The following HSF2 variants were observed in gnomAD, a reference collection of about 807,000 sequenced individuals.
HSF2 encodes heat shock transcription factor 2.
In HSF2, 21 loss-of-function variants were observed where a neutral mutation model predicts 65.0. That is an observed-to-expected ratio of 0.32 (90% CI 0.23 to 0.47). The LOEUF (loss-of-function observed/expected upper bound fraction) is 0.47. HSF2 is among the 20% of genes least tolerant of loss of function. The pLI is 1.00. For synonymous variants in HSF2, 225 were observed against 219.1 expected, an observed-to-expected ratio of 1.03 and a Z score of -0.24; for missense variants, 499 against 628.1, an observed-to-expected ratio of 0.79 and a Z score of 2.20.
At position 122,401,691 on chromosome 6, in the gene HSF2, A is replaced by G. The variant is rs556821427; in HGVS notation, c.93+1861A>G. 1.2e-4 allele frequency among the ~76,000 whole-genome samples: 19 copies of G among 152,316 alleles called. No homozygotes were observed. The South Asian group carries it at 3.9e-3, about 32-fold the overall frequency. On this transcript the variant is annotated intron_variant, in intron 1 of 12. Transcript: ENST00000368455. ...TTCTAATATGCCAGTGGGACAATCA[A>G]AATGTAAGCTCAGTGAGATCACTGT...
chr6:122,419,016 T>G (rs1190693736), intron 5 of HSF2, 152 bp from the exon 6 acceptor site: 3 of 543,708 alleles, frequency 5.5e-6, no homozygotes, highest in Non-Finnish European at 6.6e-6. Flanking sequence ...AGACGGTGGT[T>G]CTACGGTGCG....
Position 122,412,670 on chromosome 6 carries a change from G to A in HSF2, c.236G>A (p.Gly79Glu). The change falls in exon 3 of 13, where the codon GGA (glycine) becomes GAA (glutamate). Residue 79 changes from glycine to glutamate, a missense_variant. Physicochemically the swap from Gly to Glu is moderately conservative, Grantham distance 98. Around this residue, in one of 2 missense-constraint regions of HSF2, gnomAD observed 150 missense variants for 234.6 expected, o/e 0.64. Coordinates refer to ENST00000368455, the MANE Select transcript of HSF2 (RefSeq NM_004506.4). The part of the protein sequence containing the change: ...GFRKVVHIDS[G>E]IVKQERDGPV... ...CGTAAAGTAGTACATATCGACTCTG[G>A]AATTGTAAAGCAAGAAAGAGATGGT... 1 of 1,612,360 alleles carries A rather than the reference G, an allele frequency of 6.2e-7. No individual in the cohort carries two copies. The highest frequency in any genetic ancestry group is 8.5e-7 in the Non-Finnish European group (1 of 1,178,656).
Position 122,432,060 on chromosome 6 carries a change from A to T in HSF2, c.1451A>T (p.Asp484Val), listed in dbSNP as rs758448374. Residue 484 changes from aspartate to valine, a missense_variant, in exon 13 of 13, where the codon GAT (aspartate) becomes GTT (valine). Around this residue, in one of 2 missense-constraint regions of HSF2, gnomAD observed 349 missense variants for 393.5 expected, o/e 0.89. Coordinates refer to ENST00000368455, the MANE Select transcript of HSF2 (RefSeq NM_004506.4). ...TCTGTAGATAAACCCATAGAAGTTGATGAGCTTCTGGATAGCAGCCTAGAC... is the reference window on the plus strand; with the variant it reads ...TCTGTAGATAAACCCATAGAAGTTGTTGAGCTTCTGGATAGCAGCCTAGAC... ...LSSVDKPIEV[D>V]ELLDSSLDPE... is the part of the protein sequence containing the mutation. The T allele has an allele frequency of 3.1e-6, 5 of 1,614,144 alleles. No homozygotes were observed. The highest frequency in any genetic ancestry group is 4.2e-6 in the Non-Finnish European group (5 of 1,179,988).
intron 1 of HSF2, among the ~76,000 whole-genome samples, chr6:122,400,150 G>A (rs1369800414): frequency 2.0e-5 from 3 of 152,154 alleles, no homozygotes; most frequent in Non-Finnish European, 2.9e-5. Context: ...TCGGCGAGCC[G>A]AGGGCGCGGG....
intron 4 of HSF2, among the ~76,000 whole-genome samples, chr6:122,414,988 A>G (rs1002074290): frequency 1.3e-5 from 2 of 152,226 alleles, no homozygotes; most frequent in African/African-American, 2.4e-5. Flanking sequence ...GTAGTTATTC[A>G]GTAAATATTA....
intron 1 of HSF2, among the ~76,000 whole-genome samples, chr6:122,406,743 ATTAAC>A (rs1773876196): frequency 1.3e-5 from 2 of 152,064 alleles, no homozygotes; most frequent in Admixed American, 1.3e-4. Context: ...TTTTTGGCAT[ATTAAC>A]TTTGAGATTA....
intron 10 of HSF2, among the ~76,000 whole-genome samples, chr6:122,427,486 G>A (rs564394654): frequency 7.2e-5 from 11 of 152,100 alleles, no homozygotes; most frequent in African/African-American, 2.6e-4. Flanking sequence ...AGCAGATTCT[G>A]TAAATTTTTT....
At chr6:122,417,590 A>G (rs1003529086) in intron 5 of HSF2, among the ~76,000 whole-genome samples, 1 of 152,166 alleles carries the variant, frequency 6.6e-6, no homozygotes, top group East Asian at 1.9e-4. Flanking sequence ...CCATGGATTA[A>G]TTGAGAATAA....
At chr6:122,409,135 AT>A (rs1391017397) in intron 1 of HSF2, among the ~76,000 whole-genome samples, 1 of 152,070 alleles carries the variant, frequency 6.6e-6, no homozygotes, top group African/African-American at 2.4e-5. Flanking sequence ...TGGTGCCACG[AT>A]TAAGGATAAA....
chr6:122,432,584 G>A lies in HSF2; in HGVS notation c.*364G>A. 5.5e-6 allele frequency: 1 copy of A among 180,792 alleles called. No homozygotes were observed. Among genetic ancestry groups the A allele is most frequent in the Non-Finnish European group, 1.2e-5 (1 of 85,726 alleles). The allele number at this position is 180,792 out of a possible 1,614,324, so 11.2% of individuals were successfully genotyped here. A position where few individuals can be genotyped will look rare whatever the true frequency, so the allele number is the denominator to read the frequency against. On this transcript the variant is annotated 3_prime_UTR_variant, in exon 13 of 13. Transcript: ENST00000368455. ...TGCTGTCTATTTGCATTGAGTGTAA[G>A]TCATTTGAACTAATGGTATAACTCC...
In HSF2 at chr6:122,422,848, C is replaced by T; in HGVS notation, c.961C>T (p.Pro321Ser). The change falls in exon 9 of 13, where the codon CCT (proline) becomes TCT (serine). Residue 321 changes from proline to serine, a missense_variant. Physicochemically the swap from Pro to Ser is moderately conservative, Grantham distance 74. Coordinates refer to ENST00000368455, the MANE Select transcript of HSF2 (RefSeq NM_004506.4). ...AAGTTCAGGCAGTGATGGCAGCAGC[C>T]CTCTCATGTCTAGTGCTGTCCAGCT... ...SLSSGSDGSS[P>S]LMSSAVQLNG... 6.2e-7 allele frequency: 1 copy of T among 1,613,656 alleles called. No homozygotes were observed. Among genetic ancestry groups the T allele is most frequent in the Non-Finnish European group, 8.5e-7 (1 of 1,179,790 alleles).
intron 5 of HSF2, among the ~76,000 whole-genome samples, chr6:122,417,413 G>A (rs1357910273): frequency 1.4e-5 from 2 of 144,318 alleles, no homozygotes; most frequent in Admixed American, 1.4e-4. Context: ...TTTCCTGAAA[G>A]CAAGAATAGT....
intron 8 of HSF2, among the ~76,000 whole-genome samples, chr6:122,422,517 T>A (rs1374127021): frequency 1.3e-5 from 2 of 152,172 alleles, no homozygotes; most frequent in Non-Finnish European, 2.9e-5. Flanking sequence ...TAATTTTTAT[T>A]TTGGAGTTAA....
Position 122,432,362 on chromosome 6 carries a change from C to A in HSF2, c.*142C>A. On this transcript the variant is annotated 3_prime_UTR_variant, in exon 13 of 13. Coordinates refer to ENST00000368455, the MANE Select transcript of HSF2 (RefSeq NM_004506.4). ...TGGAATAAAAGCACCTTTTGCTTTT[C>A]TCACTAACCACACACTCTTGCAGAG... The A allele has an allele frequency of 1.5e-6, 1 of 663,670 alleles. No homozygotes were observed. Among genetic ancestry groups the A allele is most frequent in the Non-Finnish European group, 2.5e-6 (1 of 393,842 alleles). 41.1% of individuals were successfully genotyped at this position (663,670 alleles called of 1,614,324 possible). A position where few individuals can be genotyped will look rare whatever the true frequency, so the allele number is the denominator to read the frequency against.
Position 122,432,985 on chromosome 6 carries a change from T to G in HSF2, c.*765T>G, listed in dbSNP as rs1357052913. ...ACTAGTGTCTGTTATGTGTCTTCTT[T>G]AGAGGTGACACTCACATGAAACAAT... On this transcript the variant is annotated 3_prime_UTR_variant, in exon 13 of 13. Transcript: ENST00000368455. 1 of 152,214 alleles carries G rather than the reference T, an allele frequency of 6.6e-6. No homozygotes were observed. The allele number at this position is 152,214 out of a possible 1,614,324, so 9.4% of individuals were successfully genotyped here. A position where few individuals can be genotyped will look rare whatever the true frequency, so the allele number is the denominator to read the frequency against.
chr6:122,424,704 A>G (rs1017125076), intron 10 of HSF2, among the ~76,000 whole-genome samples: 1 of 152,056 alleles, frequency 6.6e-6, no homozygotes, highest in Non-Finnish European at 1.5e-5. Flanking sequence ...ATCCATGTTG[A>G]TAACCTACTT....
chr6:122,422,326 GA>G (rs765360344), intron 8 of HSF2, 28 bp downstream of exon 8: 2 of 1,476,418 alleles, frequency 1.4e-6, no homozygotes, highest in South Asian at 2.4e-5. Context: ...TAAAATGTAT[GA>G]AAATATTGAT....
intron 1 of HSF2, among the ~76,000 whole-genome samples, chr6:122,409,172 A>C (rs1000881273): frequency 2.0e-5 from 3 of 152,016 alleles, no homozygotes; most frequent in African/African-American, 7.2e-5. Flanking sequence ...GCTACCTCTT[A>C]TTTGATAGGT....
intron 1 of HSF2, among the ~76,000 whole-genome samples, chr6:122,400,877 C>CAGG (rs1333717142): frequency 1.2e-3 from 180 of 152,260 alleles, no homozygotes; most frequent in African/African-American, 4.2e-3. Context: ...TGAAAACTAC[C>CAGG]TGCATAGTGC....
Sources: gnomAD v4.1 joint callset for allele counts (sites outside exome capture counted in the v4.1 genomes callset) on GRCh38, gnomAD v4.1.1 for gene constraint, gnomAD v4.1.1 regional missense constraint, MANE v1.5 for transcripts, NCBI Gene and HGNC (gene_info 2026-07-23, HGNC 2026-07-21) for gene names.